Variants in SLC7A11 observed in about 807,000 individuals in gnomAD.
The protein encoded by SLC7A11 is solute carrier family 7 member 11, also known as cystine/glutamate transporter.
A neutral mutation model predicts 54.5 loss-of-function variants in SLC7A11; 35 were observed. The observed-to-expected ratio is 0.64, with a 90% confidence interval of 0.49 to 0.85. The LOEUF (loss-of-function observed/expected upper bound fraction) is 0.85, where lower values mean the gene tolerates loss of function less well. Among genes scored for constraint, SLC7A11 ranks in the 40% least tolerant of loss-of-function variants. The probability of loss-of-function intolerance (pLI) is 0.00; values close to 1 mark genes in which losing one functional copy is unlikely to be tolerated. For synonymous variants in SLC7A11, 230 were observed against 225.2 expected, an observed-to-expected ratio of 1.02 and a Z score of -0.19; for missense variants, 583 against 618.1, an observed-to-expected ratio of 0.94 and a Z score of 0.60.
At chr4:138,195,783 G>A (rs1737117069) in intron 6 of SLC7A11, among the ~76,000 whole-genome samples, 1 of 152,008 alleles carries the variant, frequency 6.6e-6, no homozygotes, top group South Asian at 2.1e-4. Context: ...ACTATTCAAT[G>A]AGCATTATTA....
chr4:138,193,389 A>G (rs1737058298), intron 6 of SLC7A11, among the ~76,000 whole-genome samples: 1 of 152,136 alleles, frequency 6.6e-6, no homozygotes, highest in African/African-American at 2.4e-5. Flanking sequence ...TTGACATTCT[A>G]TCAAAGAAAG....
intron 6 of SLC7A11, among the ~76,000 whole-genome samples, chr4:138,208,712 C>A (rs539927158): frequency 2.6e-5 from 4 of 152,122 alleles, no homozygotes; most frequent in Admixed American, 2.6e-4. Flanking sequence ...TTTGGACATT[C>A]ATGTCCCTCA....
intron 7 of SLC7A11, among the ~76,000 whole-genome samples, chr4:138,184,420 T>G (rs1320751651): frequency 6.6e-6 from 1 of 152,142 alleles, no homozygotes; most frequent in Non-Finnish European, 1.5e-5. Flanking sequence ...CTAAGTTTTA[T>G]GCAAAATAAA....
At position 138,180,795 on chromosome 4, in the gene SLC7A11, G is replaced by A. The variant is rs751346821; in HGVS notation, c.1117-5C>T. 4.4e-6 allele frequency: 7 copies of A among 1,608,056 alleles called. No individual in the cohort carries two copies. The highest frequency in any genetic ancestry group is 1.7e-4 in the Middle Eastern group (1 of 6,038). ...CATTATCATTGTCAAAGGGTGCTGAGGGGGGAAAGGGAAGCAAGCTTGGTG... is the reference window on the plus strand; with the variant it reads ...CATTATCATTGTCAAAGGGTGCTGAAGGGGGAAAGGGAAGCAAGCTTGGTG... On this transcript the variant is annotated splice_polypyrimidine_tract_variant and splice_region_variant and intron_variant, in intron 9 of 11. Coordinates refer to ENST00000280612, the MANE Select transcript of SLC7A11 (RefSeq NM_014331.4).
rs182473368 is a variant in SLC7A11, at chr4:138,194,694, T to C, written c.792-9450A>G. Among the ~76,000 whole-genome samples, 19 of 152,326 alleles carry C rather than the reference T, an allele frequency of 1.2e-4. No individual in the cohort carries two copies. In the East Asian group the frequency reaches 3.7e-3, roughly 29 times the overall value. On this transcript the variant is annotated intron_variant, in intron 6 of 11. Transcript: ENST00000280612. ...TGGAGTTCTGTCTCTGATATTTGTA[T>C]TCACTTGATTTCACAGAATTATGGA...
Position 138,236,263 on chromosome 4 carries a change from C to A in SLC7A11, c.404+62G>T, listed in dbSNP as rs528306506. ...ATGTGTCTAACCAGTTAAAAATAAT[C>A]AAGGTGATTCATAAGAATGAATTGG... On this transcript the variant is annotated intron_variant, in intron 2 of 11. Coordinates refer to ENST00000280612, the MANE Select transcript of SLC7A11 (RefSeq NM_014331.4). 3.5e-6 allele frequency: 5 copies of A among 1,439,714 alleles called. No individual in the cohort carries two copies. In the East Asian group the frequency reaches 7.0e-5, roughly 20 times the overall value. 89.2% of individuals were successfully genotyped at this position (1,439,714 alleles called of 1,614,324 possible). A position where few individuals can be genotyped will look rare whatever the true frequency, so the allele number is the denominator to read the frequency against.
intron 3 of SLC7A11, among the ~76,000 whole-genome samples, chr4:138,229,547 T>C (rs1257311305): frequency 6.6e-6 from 1 of 152,254 alleles, no homozygotes; most frequent in Admixed American, 6.5e-5. Context: ...TCTGGGTTCA[T>C]CTAAGATTTC....
chr4:138,179,643 C>CT (rs1736672523), intron 10 of SLC7A11, among the ~76,000 whole-genome samples: 1 of 152,048 alleles, frequency 6.6e-6, no homozygotes, highest in African/African-American at 2.4e-5. Context: ...AGAACAAACT[C>CT]TAAGGACAAA....
chr4:138,180,813 G>A (rs748823052), intron 9 of SLC7A11, 23 bp from the exon 10 acceptor site: 2 of 1,602,044 alleles, frequency 1.2e-6, no homozygotes, highest in Non-Finnish European at 1.7e-6. Flanking sequence ...AGGGAAGCAA[G>A]CTTGGTGAAT....
chr4:138,190,792 C>G (rs893118727), intron 6 of SLC7A11, among the ~76,000 whole-genome samples: 20 of 152,212 alleles, frequency 1.3e-4, no homozygotes, highest in African/African-American at 4.1e-4. Flanking sequence ...TCCTATCTGC[C>G]TCTCTGATTT....
Position 138,220,997 on chromosome 4 carries a change from A to G in SLC7A11, c.647-1632T>C, listed in dbSNP as rs1338229764. 2.6e-5 allele frequency among the ~76,000 whole-genome samples: 4 copies of G among 152,368 alleles called. No individual in the cohort carries two copies. In the East Asian group the frequency reaches 7.7e-4, roughly 29 times the overall value. On this transcript the variant is annotated intron_variant, in intron 4 of 11. Transcript: ENST00000280612. Reference sequence around the variant, plus strand: ...TGATAAATTCAGAAATGCCCATTTTACTAAAACATCATTGTGTCCTTCCAG... The same window carrying G: ...TGATAAATTCAGAAATGCCCATTTTGCTAAAACATCATTGTGTCCTTCCAG...
intron 7 of SLC7A11, among the ~76,000 whole-genome samples, chr4:138,184,402 C>G (rs1736825334): frequency 6.6e-6 from 1 of 152,076 alleles, no homozygotes; most frequent in African/African-American, 2.4e-5. Flanking sequence ...TGAATGGTCT[C>G]TTACTAGCTA....
chr4:138,230,253 T>A (rs1738041299), intron 3 of SLC7A11, among the ~76,000 whole-genome samples: 1 of 151,976 alleles, frequency 6.6e-6, no homozygotes, highest in African/African-American at 2.4e-5. Context: ...ACACTGGGCC[T>A]GCTTGAGGGT....
At chr4:138,213,332 G>A (rs143559412) in intron 6 of SLC7A11, among the ~76,000 whole-genome samples, 6 of 152,076 alleles carry the variant, frequency 3.9e-5, no homozygotes, top group African/African-American at 7.2e-5. Flanking sequence ...TCTAAACTCC[G>A]ACATTCCTGG....
rs186866634 is a variant in SLC7A11, at chr4:138,180,925, T to C, written c.1117-135A>G. 145 of 805,288 alleles carry C rather than the reference T, an allele frequency of 1.8e-4. 4 individuals are homozygous for C. The Middle Eastern group carries it at 1.8e-3, about 10-fold the overall frequency. The allele number at this position is 805,288 out of a possible 1,614,324, so 49.9% of individuals were successfully genotyped here. On this transcript the variant is annotated intron_variant, in intron 9 of 11. Transcript: ENST00000280612. ...ATAAATTATCATCATAGTTAAAACT[T>C]GGATTTGACTAATCTCTTTTCTATA...
chr4:138,168,239 C>T lies in SLC7A11; in HGVS notation c.*3717G>A, dbSNP rs1207832278. 1 of 152,086 alleles carries T rather than the reference C, an allele frequency of 6.6e-6. No homozygotes were observed. Among genetic ancestry groups the T allele is most frequent in the Non-Finnish European group, 1.5e-5 (1 of 68,002 alleles). The allele number at this position is 152,086 out of a possible 1,614,324, so 9.4% of individuals were successfully genotyped here. On this transcript the variant is annotated 3_prime_UTR_variant, in exon 12 of 12. Coordinates refer to ENST00000280612, the MANE Select transcript of SLC7A11 (RefSeq NM_014331.4). ...CATGTCTAAGTGAGAGGCACTGAAG[C>T]TTAGGTTTCATTAGCTTCCTGCGAG...
At chr4:138,202,174 A>G (rs1358213436) in intron 6 of SLC7A11, among the ~76,000 whole-genome samples, 2 of 152,108 alleles carry the variant, frequency 1.3e-5, no homozygotes, top group Non-Finnish European at 2.9e-5. Flanking sequence ...TTCTGTGGGC[A>G]TATATAATAA....
chr4:138,177,296 A>T (rs1736596754), intron 11 of SLC7A11: 2 of 152,132 alleles, frequency 1.3e-5, no homozygotes, highest in Non-Finnish European at 2.9e-5. Context: ...AAAATTAATT[A>T]TGGTAAAGTA....
chr4:138,230,038 T>C (rs555430493), intron 3 of SLC7A11, among the ~76,000 whole-genome samples: 1 of 152,304 alleles, frequency 6.6e-6, no homozygotes, highest in East Asian at 1.9e-4. Context: ...ACAGTGGACT[T>C]ATCAAGAACT....
Sources: allele counts gnomAD v4.1 joint callset (sites outside exome capture counted in the v4.1 genomes callset), GRCh38; gene constraint gnomAD v4.1.1; transcripts MANE v1.5; gene names NCBI Gene and HGNC (gene_info 2026-07-23, HGNC 2026-07-21).